Variants in SYN3 observed in about 807,000 individuals in gnomAD.
The protein encoded by SYN3 is synapsin-3.
Under a neutral mutation model 65.8 loss-of-function variants are expected in SYN3, and 35 were observed. The ratio of observed to expected loss-of-function variants is 0.53; its 90% CI spans 0.41 to 0.70. SYN3 has a LOEUF of 0.70. Among genes scored for constraint, SYN3 ranks in the 30% least tolerant of loss-of-function variants. The pLI is 0.00. For missense variants in SYN3, 680 were observed against 749.0 expected, an observed-to-expected ratio of 0.91 and a Z score of 1.08; for synonymous variants, 270 against 292.9, an observed-to-expected ratio of 0.92 and a Z score of 0.80.
chr22:32,532,696 G>A (rs983007495), intron 10 of SYN3, among the ~76,000 whole-genome samples: 4 of 152,152 alleles, frequency 2.6e-5, no homozygotes, highest in Non-Finnish European at 4.4e-5. Context: ...CTGCTTGGCC[G>A]TGGGCCCCTG....
At chr22:32,661,712 T>C (rs2060219736) in intron 6 of SYN3, among the ~76,000 whole-genome samples, 1 of 152,146 alleles carries the variant, frequency 6.6e-6, no homozygotes, top group Admixed American at 6.5e-5. Context: ...CCCACCTTTC[T>C]TGTCAACACC....
intron 6 of SYN3, among the ~76,000 whole-genome samples, chr22:32,719,741 G>A (rs1014329254): frequency 2.3e-4 from 35 of 152,152 alleles, no homozygotes; most frequent in Admixed American, 1.5e-3. Context: ...CCAGCTACTC[G>A]GGAGGCTGAG....
chr22:32,700,486 A>T (rs2060796781), intron 6 of SYN3, among the ~76,000 whole-genome samples: 1 of 152,216 alleles, frequency 6.6e-6, no homozygotes, highest in Admixed American at 6.5e-5. Flanking sequence ...AAAACAAACA[A>T]GAACAATGAA....
chr22:33,025,428 C>T (rs1042880705), intron 1 of SYN3, among the ~76,000 whole-genome samples: 3 of 102,524 alleles, frequency 2.9e-5, no homozygotes, highest in South Asian at 6.3e-4. Context: ...TGCAAGACTC[C>T]GTCTCAAAAA....
At chr22:32,545,572 T>G (rs898648513) in intron 7 of SYN3, among the ~76,000 whole-genome samples, 2 of 152,130 alleles carry the variant, frequency 1.3e-5, no homozygotes, top group African/African-American at 4.8e-5. Flanking sequence ...TCTCTCTTTT[T>G]TTTTGAGACA....
intron 4 of SYN3, among the ~76,000 whole-genome samples, chr22:32,881,461 G>A (rs2049133883): frequency 6.6e-6 from 1 of 152,166 alleles, no homozygotes; most frequent in South Asian, 2.1e-4. Flanking sequence ...TATCTGCCTG[G>A]TAGGGCACCC....
At chr22:32,928,915 T>C (rs1191089135) in intron 4 of SYN3, among the ~76,000 whole-genome samples, 1 of 152,208 alleles carries the variant, frequency 6.6e-6, no homozygotes, top group Non-Finnish European at 1.5e-5. Context: ...TTTTCAGCCA[T>C]GTCTAATGTG....
chr22:33,004,515 T>C (rs988654551), intron 2 of SYN3, among the ~76,000 whole-genome samples: 1 of 152,226 alleles, frequency 6.6e-6, no homozygotes, highest in Admixed American at 6.5e-5. Flanking sequence ...ATGTGAGACA[T>C]GGAGTCAAAG....
chr22:32,569,565 C>CTATATATATATA (rs1190028295), intron 7 of SYN3, among the ~76,000 whole-genome samples: 6 of 56,370 alleles, frequency 1.1e-4, no homozygotes, highest in South Asian at 2.0e-3. Context: ...CTCTCTCTCT[C>CTATATATATATA]TCTCTCTATA....
intron 4 of SYN3, among the ~76,000 whole-genome samples, chr22:32,886,166 C>T (rs1035312368): frequency 6.6e-6 from 1 of 152,170 alleles, no homozygotes; most frequent in African/African-American, 2.4e-5. Flanking sequence ...CAATGACACA[C>T]ATGGGTAAAT....
At chr22:32,956,142 T>G (rs761793717) in intron 3 of SYN3, among the ~76,000 whole-genome samples, 7,549 of 135,026 alleles carry the variant, frequency 0.056, 242 homozygotes, top group Middle Eastern at 0.1. Flanking sequence ...CCTGTCCCCC[T>G]CCCAGCCCCT....
chr22:32,703,860 A>G (rs774929264), intron 6 of SYN3, among the ~76,000 whole-genome samples: 1 of 152,170 alleles, frequency 6.6e-6, no homozygotes, highest in Non-Finnish European at 1.5e-5. Flanking sequence ...ATTTATTTCA[A>G]ATGCATTTTT....
intron 6 of SYN3, among the ~76,000 whole-genome samples, chr22:32,665,641 G>T (rs948567137): frequency 7.2e-5 from 11 of 151,940 alleles, no homozygotes; most frequent in Admixed American, 7.2e-4. Context: ...TCAAACACTT[G>T]TGTGTTTTGG....
chr22:32,875,079 T>G (rs1335619395), intron 4 of SYN3, among the ~76,000 whole-genome samples: 2 of 152,196 alleles, frequency 1.3e-5, no homozygotes, highest in African/African-American at 4.8e-5. Context: ...GAATTAGTGA[T>G]GCTTCCCGCC....
chr22:33,033,865 C>T (rs950282096), intron 1 of SYN3, among the ~76,000 whole-genome samples: 2 of 152,066 alleles, frequency 1.3e-5, no homozygotes, highest in African/African-American at 4.8e-5. Flanking sequence ...ACACAGGTCT[C>T]CAAGGTACAA....
At position 32,526,602 on chromosome 22, in the gene SYN3, G is replaced by T. The variant is rs552305460; in HGVS notation, c.1318+1316C>A. ...GCAATCTCGGCTCACTGCAACCTCC[G>T]CCTCCTGGGTTCAAGCGATTCTCCT... On this transcript the variant is annotated intron_variant, in intron 12 of 13. Coordinates refer to ENST00000358763, the MANE Select transcript of SYN3 (RefSeq NM_003490.4). Among the ~76,000 whole-genome samples, 5 of 152,040 alleles carry T rather than the reference G, an allele frequency of 3.3e-5. No homozygotes were observed. In the South Asian group the frequency reaches 8.3e-4, roughly 25 times the overall value.
chr22:32,775,746 A>G (rs2045893150), intron 6 of SYN3, among the ~76,000 whole-genome samples: 3 of 152,220 alleles, frequency 2.0e-5, no homozygotes, highest in Admixed American at 2.0e-4. Flanking sequence ...TCAGAGCCTC[A>G]GTTTCCCTTT....
intron 1 of SYN3, among the ~76,000 whole-genome samples, chr22:33,032,615 T>C (rs1026989571): frequency 6.6e-6 from 1 of 152,094 alleles, no homozygotes; most frequent in Non-Finnish European, 1.5e-5. Flanking sequence ...AAACATTAAG[T>C]CATGCCCTAC....
intron 4 of SYN3, among the ~76,000 whole-genome samples, chr22:32,892,698 G>A (rs574375222): frequency 2.0e-4 from 30 of 152,274 alleles, no homozygotes; most frequent in African/African-American, 7.2e-4. Flanking sequence ...CACAGCCCCA[G>A]AATCACCTCC....
Sources: allele counts gnomAD v4.1 joint callset (sites outside exome capture counted in the v4.1 genomes callset), GRCh38; gene constraint gnomAD v4.1.1; transcripts MANE v1.5; gene names NCBI Gene and HGNC (gene_info 2026-07-23, HGNC 2026-07-21).